The following UBE2V2 variants were observed in gnomAD, a reference collection of about 807,000 sequenced individuals.
The protein encoded by UBE2V2 is ubiquitin conjugating enzyme E2 V2.
A neutral mutation model predicts 17.2 loss-of-function variants in UBE2V2; 9 were observed. That is an observed-to-expected ratio of 0.52 (90% CI 0.32 to 0.91). The LOEUF (loss-of-function observed/expected upper bound fraction) is 0.91. Among genes scored for constraint, UBE2V2 ranks in the 40% least tolerant of loss-of-function variants. The pLI is 0.04. For missense variants in UBE2V2, 133 were observed against 182.6 expected (o/e 0.73, Z 1.56); for synonymous variants, 61 against 57.5 (o/e 1.06, Z -0.28).
intron 1 of UBE2V2, among the ~76,000 whole-genome samples, chr8:48,014,206 C>G (rs1433857672): frequency 6.6e-6 from 1 of 152,134 alleles, no homozygotes; most frequent in Non-Finnish European, 1.5e-5. Flanking sequence ...CCTCACTGTA[C>G]AGGCAGTCCT....
intron 1 of UBE2V2, among the ~76,000 whole-genome samples, chr8:48,009,487 A>G (rs923455417): frequency 6.6e-6 from 1 of 152,098 alleles, no homozygotes; most frequent in Non-Finnish European, 1.5e-5. Flanking sequence ...ACTGGTCTCG[A>G]ACTCCTGACC....
chr8:48,005,324 C>T (rs139658091), upstream of UBE2V2, among the ~76,000 whole-genome samples: 31 of 152,206 alleles, frequency 2.0e-4, 2 homozygotes, highest in East Asian at 5.8e-3. Flanking sequence ...CAGCATCATC[C>T]ATGTTCCTGC....
chr8:48,010,223 A>G (rs1379108802), intron 1 of UBE2V2, among the ~76,000 whole-genome samples: 1 of 151,692 alleles, frequency 6.6e-6, no homozygotes, highest in Non-Finnish European at 1.5e-5. Flanking sequence ...AGCATATTGT[A>G]CATAGGGAGT....
chr8:48,018,568 T>A (rs571624169), intron 1 of UBE2V2, among the ~76,000 whole-genome samples: 1 of 152,360 alleles, frequency 6.6e-6, no homozygotes, highest in South Asian at 2.1e-4. Context: ...ATTTTGTGGC[T>A]TGACATATGA....
chr8:48,004,049 C>T (rs1739271770), upstream of UBE2V2, among the ~76,000 whole-genome samples: 1 of 152,314 alleles, frequency 6.6e-6, no homozygotes, highest in East Asian at 1.9e-4. Context: ...TCTGCTATAA[C>T]TACCTATGGT....
At chr8:48,028,814 T>G (rs940790785) in intron 1 of UBE2V2, among the ~76,000 whole-genome samples, 5 of 152,148 alleles carry the variant, frequency 3.3e-5, no homozygotes, top group Non-Finnish European at 7.4e-5. Context: ...TTGGGCTGTT[T>G]GTCTTTTTAT....
chr8:48,051,045 G>A (rs1336742419), intron 3 of UBE2V2, among the ~76,000 whole-genome samples: 2 of 151,912 alleles, frequency 1.3e-5, no homozygotes, highest in African/African-American at 4.8e-5. Flanking sequence ...ATGGGGTTTC[G>A]TCATGTTGGC....
intron 1 of UBE2V2, among the ~76,000 whole-genome samples, chr8:48,020,782 C>G (rs2091299394): frequency 6.6e-6 from 1 of 151,976 alleles, no homozygotes; most frequent in Non-Finnish European, 1.5e-5. Flanking sequence ...ATTTTATTTT[C>G]TTGTAGATAC....
intron 1 of UBE2V2, among the ~76,000 whole-genome samples, chr8:48,020,122 T>G (rs2091294985): frequency 6.6e-6 from 1 of 151,848 alleles, no homozygotes; most frequent in Non-Finnish European, 1.5e-5. Context: ...CACTGCAGCC[T>G]TGAACTATTG....
intron 1 of UBE2V2, among the ~76,000 whole-genome samples, chr8:48,010,502 A>G (rs1461968059): frequency 6.6e-6 from 1 of 151,156 alleles, no homozygotes; most frequent in Non-Finnish European, 1.5e-5. Context: ...CCCGGGCTCA[A>G]GCGATTCTCC....
intron 1 of UBE2V2, among the ~76,000 whole-genome samples, chr8:48,020,421 A>G (rs2091297188): frequency 6.6e-6 from 1 of 152,080 alleles, no homozygotes; most frequent in Non-Finnish European, 1.5e-5. Context: ...TATTGGCAGC[A>G]TATAGTTGGG....
chr8:48,056,081 C>A (rs1379191478), intron 3 of UBE2V2, among the ~76,000 whole-genome samples: 3 of 152,122 alleles, frequency 2.0e-5, no homozygotes, highest in African/African-American at 7.2e-5. Context: ...TATAGATTTG[C>A]CCATTCTGGA....
At chr8:48,048,989 T>G (rs1207334882) in intron 2 of UBE2V2, among the ~76,000 whole-genome samples, 1 of 152,186 alleles carries the variant, frequency 6.6e-6, no homozygotes, top group Admixed American at 6.5e-5. Context: ...ATTCATTTAT[T>G]TTTTACTTTG....
At chr8:48,027,069 C>T (rs2091350807) in intron 1 of UBE2V2, among the ~76,000 whole-genome samples, 1 of 152,196 alleles carries the variant, frequency 6.6e-6, no homozygotes, top group African/African-American at 2.4e-5. Context: ...ACTGCAACCT[C>T]AGCCTCTTGG....
At chr8:48,030,420 A>G (rs919428848) in intron 1 of UBE2V2, among the ~76,000 whole-genome samples, 1 of 152,218 alleles carries the variant, frequency 6.6e-6, no homozygotes, top group African/African-American at 2.4e-5. Flanking sequence ...AAAGGACTCA[A>G]GTAAAACCTA....
rs779264582 is a variant in UBE2V2, at chr8:48,060,692, G to A, written c.302G>A (p.Arg101Gln). The A allele has an allele frequency of 8.7e-6, 13 of 1,493,266 alleles. No individual in the cohort carries two copies. Among genetic ancestry groups the A allele is most frequent in the African/African-American group, 2.9e-5 (2 of 69,682 alleles). 92.5% of individuals were successfully genotyped at this position (1,493,266 alleles called of 1,614,324 possible). The change falls in exon 4 of 4, where the codon CGG becomes CAG. Residue 101 changes from arginine to glutamine, a missense_variant. This residue lies in a region of UBE2V2 where 92 missense variants were observed against 124.3 expected (regional missense o/e 0.74). Coordinates refer to ENST00000523111, the MANE Select transcript of UBE2V2 (RefSeq NM_003350.3). Reference sequence around the variant, plus strand: ...TTCCTCCCCTTTCAGGTGGATGCCCGGAGCATACCAGTGTTAGCAAAATGG... The same window carrying A: ...TTCCTCCCCTTTCAGGTGGATGCCCAGAGCATACCAGTGTTAGCAAAATGG... ...INNSSGMVDA[R>Q]SIPVLAKWQN...
At chr8:48,008,026 A>G (rs2091196694), upstream of UBE2V2, among the ~76,000 whole-genome samples, 2 of 152,088 alleles carry the variant, frequency 1.3e-5, no homozygotes, top group South Asian at 4.1e-4. Flanking sequence ...GGTTCAAACG[A>G]TTCTCGTGCC....
intron 1 of UBE2V2, among the ~76,000 whole-genome samples, chr8:48,016,681 C>T (rs2091270980): frequency 6.6e-6 from 1 of 150,978 alleles, no homozygotes; most frequent in Admixed American, 6.6e-5. Context: ...GGGGTTTCTC[C>T]ATGTTGGTGA....
rs1554653396 is a variant in UBE2V2, at chr8:48,011,574, T to TTCAGTGTGCA, written c.16+3108_16+3117dup. Among the ~76,000 whole-genome samples the TTCAGTGTGCA allele has an allele frequency of 3.3e-3, 509 of 152,346 alleles. 2 individuals carry two copies. Among genetic ancestry groups the TTCAGTGTGCA allele is most frequent in the African/African-American group, 0.012 (491 of 41,590 alleles). On this transcript the variant is annotated intron_variant, in intron 1 of 3. Transcript: ENST00000523111. ...CTGACAAATATGTTTTGATCTTTAG[T>TTCAGTGTGCA]TCAGTGTGCATCATATACCTTAGCC...
Sources: gnomAD v4.1 joint callset for allele counts (sites outside exome capture counted in the v4.1 genomes callset) on GRCh38, gnomAD v4.1.1 for gene constraint, gnomAD v4.1.1 regional missense constraint, MANE v1.5 for transcripts, NCBI Gene and HGNC (gene_info 2026-07-23, HGNC 2026-07-21) for gene names.